ADAMTS6: variants seen among roughly 807,000 people sequenced by gnomAD.
ADAMTS6 encodes the protein ADAM metallopeptidase with thrombospondin type 1 motif 6, also known as A disintegrin and metalloproteinase with thrombospondin motifs 6.
A neutral mutation model predicts 144.3 loss-of-function variants in ADAMTS6; 23 were observed. The observed-to-expected ratio is 0.16, with a 90% confidence interval of 0.11 to 0.23. The LOEUF is 0.23. Among genes scored for constraint, ADAMTS6 ranks in the 10% least tolerant of loss-of-function variants. ADAMTS6 has a pLI of 1.00. For synonymous variants in ADAMTS6, 444 were observed against 457.5 expected, an observed-to-expected ratio of 0.97 and a Z score of 0.38; for missense variants, 999 against 1,379.6, an observed-to-expected ratio of 0.72 and a Z score of 4.37.
intron 7 of ADAMTS6, among the ~76,000 whole-genome samples, chr5:65,371,098 T>C (rs1750852794): frequency 6.6e-6 from 1 of 152,028 alleles, no homozygotes; most frequent in Non-Finnish European, 1.5e-5. Flanking sequence ...AAATAGGACA[T>C]CCACACCAAA....
At chr5:65,332,460 T>C (rs1249973827) in intron 8 of ADAMTS6, among the ~76,000 whole-genome samples, 4 of 151,870 alleles carry the variant, frequency 2.6e-5, no homozygotes, top group African/African-American at 7.2e-5. Flanking sequence ...GTCTATTATA[T>C]CTAAAATTGA....
intron 15 of ADAMTS6, among the ~76,000 whole-genome samples, chr5:65,229,069 C>T (rs1467006047): frequency 6.6e-6 from 1 of 152,196 alleles, no homozygotes; most frequent in African/African-American, 2.4e-5. Flanking sequence ...TGAAAGTAAG[C>T]ATTTTATGCA....
At chr5:65,170,055 CAA>C (rs1420226051) in intron 24 of ADAMTS6, among the ~76,000 whole-genome samples, 1 of 152,120 alleles carries the variant, frequency 6.6e-6, no homozygotes, top group Admixed American at 6.5e-5. Flanking sequence ...AAAACAAAAA[CAA>C]AAACAAAACA....
chr5:65,388,933 C>A (rs1318759453), intron 7 of ADAMTS6, among the ~76,000 whole-genome samples: 1 of 152,140 alleles, frequency 6.6e-6, no homozygotes, highest in Non-Finnish European at 1.5e-5. Flanking sequence ...CCAGGCCGGG[C>A]GCAGTGGCTC....
chr5:65,398,848 GAAAAAGAA>G (rs1561502067), intron 7 of ADAMTS6, among the ~76,000 whole-genome samples: 3 of 141,720 alleles, frequency 2.1e-5, no homozygotes, highest in African/African-American at 8.5e-5. Context: ...AAGAAAGAAA[GAAAAAGAA>G]AGAGAAAGAA....
intron 9 of ADAMTS6, among the ~76,000 whole-genome samples, chr5:65,309,785 C>T (rs1242380363): frequency 2.0e-5 from 3 of 152,058 alleles, no homozygotes; most frequent in Non-Finnish European, 4.4e-5. Context: ...GAAGCTCATT[C>T]TTGGAACCCT....
intron 15 of ADAMTS6, among the ~76,000 whole-genome samples, chr5:65,226,989 C>T (rs1406741033): frequency 6.6e-6 from 1 of 152,214 alleles, no homozygotes; most frequent in African/African-American, 2.4e-5. Flanking sequence ...AACTCTGCCA[C>T]ATCAAGCAAG....
intron 7 of ADAMTS6, among the ~76,000 whole-genome samples, chr5:65,350,872 T>A (rs1748789425): frequency 1.3e-5 from 2 of 152,116 alleles, no homozygotes; most frequent in Admixed American, 1.3e-4. Flanking sequence ...GGTCTCAAAC[T>A]CCTGACCTCA....
intron 14 of ADAMTS6, among the ~76,000 whole-genome samples, chr5:65,243,991 T>C (rs1242524085): frequency 6.6e-6 from 1 of 152,014 alleles, no homozygotes; most frequent in Non-Finnish European, 1.5e-5. Context: ...TCTCAAGCAA[T>C]ATATATAGCA....
chr5:65,208,989 C>T (rs1756308569), intron 20 of ADAMTS6, among the ~76,000 whole-genome samples: 1 of 152,224 alleles, frequency 6.6e-6, no homozygotes, highest in South Asian at 2.1e-4. Context: ...TAGAACATTG[C>T]AATCTGTGTC....
intron 9 of ADAMTS6, among the ~76,000 whole-genome samples, chr5:65,314,176 CTT>C (rs1744764297): frequency 6.6e-6 from 1 of 151,968 alleles, no homozygotes. Context: ...GATGAAAACT[CTT>C]AAGAAAAAAG....
intron 20 of ADAMTS6, among the ~76,000 whole-genome samples, chr5:65,199,907 G>A (rs562154764): frequency 7.9e-5 from 12 of 152,096 alleles, no homozygotes; most frequent in Non-Finnish European, 1.6e-4. Flanking sequence ...AGAGTACTTA[G>A]GTGTTCATTT....
intron 15 of ADAMTS6, among the ~76,000 whole-genome samples, chr5:65,241,445 A>G (rs568976950): frequency 1.7e-4 from 26 of 151,878 alleles, no homozygotes; most frequent in Non-Finnish European, 3.2e-4. Context: ...TGGCCAGGCT[A>G]GTCTCGAACT....
At chr5:65,452,277 G>A in intron 5 of ADAMTS6, 61 bp from the exon 6 acceptor site, 3 of 1,453,886 alleles carry the variant, frequency 2.1e-6, no homozygotes, top group Non-Finnish European at 2.9e-6. Context: ...GTGATAGTTT[G>A]GTTTTTTAAG....
intron 22 of ADAMTS6, among the ~76,000 whole-genome samples, chr5:65,178,038 T>C (rs569200960): frequency 6.6e-6 from 1 of 152,314 alleles, no homozygotes; most frequent in South Asian, 2.1e-4. Context: ...GGAGGAAACT[T>C]AGCTTCCTTG....
chr5:65,356,086 C>A (rs1011618751), intron 7 of ADAMTS6, among the ~76,000 whole-genome samples: 1 of 151,664 alleles, frequency 6.6e-6, no homozygotes, highest in Non-Finnish European at 1.5e-5. Flanking sequence ...AGGGCTCCTG[C>A]ATTTAGTAGA....
intron 15 of ADAMTS6, among the ~76,000 whole-genome samples, chr5:65,232,305 C>A (rs1758310601): frequency 6.6e-6 from 1 of 151,578 alleles, no homozygotes; most frequent in African/African-American, 2.4e-5. Flanking sequence ...TCTCAAGGAA[C>A]TAGAAAAGGA....
intron 9 of ADAMTS6, among the ~76,000 whole-genome samples, chr5:65,315,448 T>C (rs995891562): frequency 1.3e-5 from 2 of 151,854 alleles, no homozygotes; most frequent in Non-Finnish European, 2.9e-5. Flanking sequence ...AGAAACAAAA[T>C]ACAATAAATA....
rs1411233262 is a variant in ADAMTS6 at position 65,150,183 on chromosome 5, C to T, written c.*1653G>A. 2 of 152,568 alleles carry T rather than the reference C, an allele frequency of 1.3e-5. No individual in the cohort carries two copies. Among genetic ancestry groups the T allele is most frequent in the Admixed American group, 6.5e-5 (1 of 15,284 alleles). 9.5% of individuals were successfully genotyped at this position (152,568 alleles called of 1,614,324 possible). On this transcript the variant is annotated 3_prime_UTR_variant, in exon 25 of 25. Coordinates refer to ENST00000381055, the MANE Select transcript of ADAMTS6 (RefSeq NM_197941.4). ...CCATGATGGAATCAAGTCAAACATG[C>T]TGTTTAACTGAAAGTATTAACCTTA...
Sources: gnomAD v4.1 joint callset for allele counts (sites outside exome capture counted in the v4.1 genomes callset) on GRCh38, gnomAD v4.1.1 for gene constraint, MANE v1.5 for transcripts, NCBI Gene and HGNC (gene_info 2026-07-23, HGNC 2026-07-21) for gene names.